CLVS1: variants seen among roughly 807,000 people sequenced by gnomAD.
CLVS1 encodes clavesin-1.
CLVS1 carries 10 observed loss-of-function variants against 33.1 expected under a neutral mutation model. The observed-to-expected ratio is 0.30, with a 90% CI of 0.19 to 0.51. CLVS1 has a LOEUF of 0.51. Ranked by LOEUF, CLVS1 falls within the 20% of genes least tolerant of loss-of-function variation. The pLI is 0.97. For synonymous variants in CLVS1, 163 were observed against 166.1 expected (o/e 0.98, Z 0.14); for missense variants, 343 against 433.4 (o/e 0.79, Z 1.85).
intron 3 of CLVS1, among the ~76,000 whole-genome samples, chr8:61,400,424 G>A (rs1814704021): frequency 1.3e-5 from 2 of 152,136 alleles, no homozygotes. Flanking sequence ...AGCTTAAGAA[G>A]CTTCTGGGAT....
At chr8:61,037,544 G>C in the CLVS1 span, among the ~76,000 whole-genome samples, 1 of 152,166 alleles carries the variant, frequency 6.6e-6, no homozygotes, top group African/African-American at 2.4e-5. Context: ...TGATGGACAT[G>C]CGTGTTGTTT....
At chr8:61,140,877 T>C (rs1408865561) in intron 2 of CLVS1, among the ~76,000 whole-genome samples, 1 of 152,132 alleles carries the variant, frequency 6.6e-6, no homozygotes, top group Non-Finnish European at 1.5e-5. Flanking sequence ...TAAATTAAAA[T>C]TTCTTGGAAA....
chr8:61,423,650 A>C (rs1815768602), intron 3 of CLVS1, among the ~76,000 whole-genome samples: 1 of 152,188 alleles, frequency 6.6e-6, no homozygotes, highest in Non-Finnish European at 1.5e-5. Flanking sequence ...TACAAGTATA[A>C]ACCTGTATGG....
chr8:61,324,553 A>T (rs550977057), intron 2 of CLVS1, among the ~76,000 whole-genome samples: 24 of 152,264 alleles, frequency 1.6e-4, no homozygotes, highest in African/African-American at 5.3e-4. Flanking sequence ...GATACCAAAA[A>T]ATGTGGAAGT....
At chr8:61,180,575 A>T (rs1807208981) in intron 2 of CLVS1, among the ~76,000 whole-genome samples, 2 of 152,246 alleles carry the variant, frequency 1.3e-5, no homozygotes, top group Non-Finnish European at 2.9e-5. Context: ...ATGAACATCA[A>T]TGCAAAAATC....
chr8:61,243,447 C>G (rs1295279791), intron 2 of CLVS1, among the ~76,000 whole-genome samples: 2 of 152,074 alleles, frequency 1.3e-5, no homozygotes, highest in Non-Finnish European at 2.9e-5. Flanking sequence ...CCTGGTTGCC[C>G]CAGGCTCCCC....
chr8:61,097,070 C>T (rs1805364323), intron 1 of CLVS1, among the ~76,000 whole-genome samples: 1 of 152,052 alleles, frequency 6.6e-6, no homozygotes, highest in Non-Finnish European at 1.5e-5. Context: ...CTATTAAAAA[C>T]ACAGCATAGG....
chr8:61,218,874 G>A (rs540280948), intron 2 of CLVS1, among the ~76,000 whole-genome samples: 5 of 152,222 alleles, frequency 3.3e-5, no homozygotes, highest in African/African-American at 7.2e-5. Context: ...AACCCGGGAG[G>A]TGGAGGCTGT....
At chr8:61,244,205 T>C (rs1054518554) in intron 2 of CLVS1, among the ~76,000 whole-genome samples, 1 of 152,080 alleles carries the variant, frequency 6.6e-6, no homozygotes, top group African/African-American at 2.4e-5. Flanking sequence ...AATCCTTTAG[T>C]TCAAAATACT....
At chr8:61,246,468 C>G (rs1452785017) in intron 2 of CLVS1, among the ~76,000 whole-genome samples, 2 of 151,618 alleles carry the variant, frequency 1.3e-5, no homozygotes, top group African/African-American at 4.9e-5. Flanking sequence ...CTGCACCAGG[C>G]CTTCCTTCCC....
chr8:61,045,940 C>T, the CLVS1 span, among the ~76,000 whole-genome samples: 1 of 152,148 alleles, frequency 6.6e-6, no homozygotes, highest in Admixed American at 6.5e-5. Context: ...TTGTAGGTTG[C>T]CTGTACACTC....
chr8:61,077,820 G>T (rs1181661325), intron 1 of CLVS1, among the ~76,000 whole-genome samples: 1 of 152,186 alleles, frequency 6.6e-6, no homozygotes, highest in Admixed American at 6.5e-5. Flanking sequence ...GAGTGGGCCC[G>T]AGGCCATGCC....
At position 61,274,744 on chromosome 8, in the gene CLVS1, A is replaced by G. The variant is rs16927129; in HGVS notation, c.-151-24933A>G. 0.013 allele frequency among the ~76,000 whole-genome samples: 1,986 copies of G among 152,310 alleles called. 78 individuals are homozygous for G. In the East Asian group the frequency reaches 0.14, roughly 11 times the overall value. On this transcript the variant is annotated intron_variant, in intron 2 of 2. Transcript: ENST00000522621. ...GAGTAGCTTAAAACTGATTTAAAAC[A>G]CATCCTTTTTGTTTAGATGGAGTTA...
intron 2 of CLVS1, among the ~76,000 whole-genome samples, chr8:61,205,993 A>G (rs1033460242): frequency 2.0e-5 from 3 of 152,152 alleles, no homozygotes; most frequent in African/African-American, 7.2e-5. Context: ...GAATATGTCT[A>G]GTTAGCAAAA....
intron 2 of CLVS1, among the ~76,000 whole-genome samples, chr8:61,183,206 T>C (rs1352245137): frequency 6.6e-6 from 1 of 151,948 alleles, no homozygotes; most frequent in Non-Finnish European, 1.5e-5. Context: ...AGCTAATGCA[T>C]GAGGGGCTTA....
chr8:61,177,939 C>T (rs1264334585), intron 2 of CLVS1, among the ~76,000 whole-genome samples: 1 of 151,750 alleles, frequency 6.6e-6, no homozygotes, highest in Non-Finnish European at 1.5e-5. Context: ...GCCTCTTCTC[C>T]TCCAAATAAT....
At chr8:61,487,333 A>G (rs1803922162) in intron 5 of CLVS1, among the ~76,000 whole-genome samples, 1 of 152,272 alleles carries the variant, frequency 6.6e-6, no homozygotes, top group Non-Finnish European at 1.5e-5. Context: ...AAACTAGATA[A>G]GAATAGATAG....
rs566097966 is a variant in CLVS1, at chr8:61,165,227, C to T, written c.-152+33367C>T. Among the ~76,000 whole-genome samples the T allele has an allele frequency of 4.4e-4, 67 of 152,328 alleles. 1 individual carries two copies. The South Asian group carries it at 6.2e-3, about 14-fold the overall frequency. On this transcript the variant is annotated intron_variant, in intron 2 of 2. Transcript: ENST00000522621. ...CTGGATCCGGAAGAATGGAAGTCAG[C>T]GGCGGGTCTGCGACAGTGGCAAAAC...
chr8:61,139,792 G>C (rs1806272758), intron 2 of CLVS1, among the ~76,000 whole-genome samples: 1 of 152,062 alleles, frequency 6.6e-6, no homozygotes. Flanking sequence ...GTCCTTCACG[G>C]TCTCAGTTGA....
Sources: gnomAD v4.1 joint callset for allele counts (sites outside exome capture counted in the v4.1 genomes callset) on GRCh38, gnomAD v4.1.1 for gene constraint, MANE v1.5 for transcripts, NCBI Gene and HGNC (gene_info 2026-07-23, HGNC 2026-07-21) for gene names.